BBS2: variants seen among roughly 807,000 people sequenced by gnomAD.
BBS2 encodes BBSome complex member BBS2.
In BBS2, 62 loss-of-function variants were observed where a neutral mutation model predicts 83.0. The ratio of observed to expected loss-of-function variants is 0.75; its 90% confidence interval spans 0.61 to 0.92. The LOEUF (loss-of-function observed/expected upper bound fraction) is 0.92. Ranked by LOEUF, BBS2 falls within the 40% of genes least tolerant of loss-of-function variation. The pLI, the probability that BBS2 is intolerant of heterozygous loss-of-function variation, is 0.00. For missense variants in BBS2, 784 were observed against 901.0 expected, an observed-to-expected ratio of 0.87 and a Z score of 1.66; for synonymous variants, 303 against 326.1, an observed-to-expected ratio of 0.93 and a Z score of 0.76.
intron 16 of BBS2, 135 bp from the exon 17 acceptor site, chr16:56,485,002 T>TA (rs1321761451): frequency 1.1e-4 from 77 of 715,624 alleles, no homozygotes; most frequent in East Asian, 1.7e-4. Context: ...TACCATTCCC[T>TA]AAAAAAAATA....
chr16:56,480,359 A>ACAAAAAAC (rs1963636644), downstream of BBS2, among the ~76,000 whole-genome samples: 1 of 142,804 alleles, frequency 7.0e-6, no homozygotes, highest in Non-Finnish European at 1.5e-5. Context: ...ACACAAAAAA[A>ACAAAAAAC]AAAAAACAAA....
Position 56,510,776 on chromosome 16 carries a change from C to T in BBS2, c.534+83G>A. 6.2e-6 allele frequency: 9 copies of T among 1,444,284 alleles called. No homozygotes were observed. In the South Asian group the frequency reaches 9.1e-5, roughly 15 times the overall value. 89.5% of individuals were successfully genotyped at this position (1,444,284 alleles called of 1,614,324 possible). ...ACCAAAATCAGCCAGGAGAAGCTTACACTTCTGTCAACACTAATGTCACTG... is the reference window on the plus strand; with the variant it reads ...ACCAAAATCAGCCAGGAGAAGCTTATACTTCTGTCAACACTAATGTCACTG... On this transcript the variant is annotated intron_variant, in intron 4 of 16. Transcript: ENST00000245157.
intron 17 of BBS2, among the ~76,000 whole-genome samples, chr16:56,474,161 A>G (rs1448597379): frequency 1.3e-5 from 2 of 152,120 alleles, no homozygotes; most frequent in African/African-American, 4.8e-5. Flanking sequence ...AATCAGGTCT[A>G]TCTTTGCCTT....
At chr16:56,518,962 T>C (rs1964832043) in intron 1 of BBS2, among the ~76,000 whole-genome samples, 1 of 152,198 alleles carries the variant, frequency 6.6e-6, no homozygotes, top group Non-Finnish European at 1.5e-5. Context: ...GAACTGAATG[T>C]ACATGGGCAA....
In BBS2 at chr16:56,509,979, A is replaced by T; in HGVS notation, c.590T>A (p.Val197Glu). The T allele has an allele frequency of 6.2e-7, 1 of 1,614,158 alleles. No homozygotes were observed. Reference sequence around the variant, plus strand: ...TACCTCTGTTTCTGTCATTTCTGCCACAATCTCATCTTCCTTAAAAACTCG... The same window carrying T: ...TACCTCTGTTTCTGTCATTTCTGCCTCAATCTCATCTTCCTTAAAAACTCG... ...DIRVFKEDEIVAEMTETEIVT... is the reference protein window; with the variant it reads ...DIRVFKEDEIEAEMTETEIVT... The change falls in exon 5 of 17, where the codon GTG becomes GAG. Residue 197 changes from valine to glutamate, a missense_variant. Coordinates refer to ENST00000245157, the MANE Select transcript of BBS2 (RefSeq NM_031885.5).
intron 17 of BBS2, among the ~76,000 whole-genome samples, chr16:56,471,918 G>C (rs74246248): frequency 0.039 from 5,957 of 152,242 alleles, 146 homozygotes; most frequent in East Asian, 0.13. Flanking sequence ...CATGGAGTCT[G>C]TCTCAAAGGG....
rs1191790453 is a variant in BBS2, at chr16:56,511,250, G to C, written c.380C>G (p.Thr127Arg). The change falls in exon 3 of 17, where the codon ACA (threonine) becomes AGA (arginine). Residue 127 changes from threonine to arginine, a missense_variant. Physicochemically the swap from Thr to Arg is moderately conservative, Grantham distance 71. Coordinates refer to ENST00000245157, the MANE Select transcript of BBS2 (RefSeq NM_031885.5). ...ADGANAIVLGTLGDISSPLAI... is the reference protein window; with the variant it reads ...ADGANAIVLGRLGDISSPLAI... ...AAGAGGGGAAGAAATGTCTCCCAAT[G>C]TCCCCAGCACAATTGCATTTGCCCC... 19 of 1,613,916 alleles carry C rather than the reference G, an allele frequency of 1.2e-5. No homozygotes were observed. The highest frequency in any genetic ancestry group is 2.7e-5 in the African/African-American group (2 of 74,896).
In BBS2 at chr16:56,492,529, G is replaced by C. The variant is rs532325911; in HGVS notation, c.1910+4438C>G. On this transcript the variant is annotated intron_variant, in intron 15 of 16. Transcript: ENST00000245157. Reference sequence around the variant, plus strand: ...AGAAATGGGAATTTGCTTACCAATAGTTTCAGTTAAGCAAGAAGAATCAGC... The same window carrying C: ...AGAAATGGGAATTTGCTTACCAATACTTTCAGTTAAGCAAGAAGAATCAGC... 7.0e-4 allele frequency among the ~76,000 whole-genome samples: 106 copies of C among 152,296 alleles called. 1 individual carries two copies. The highest frequency in any genetic ancestry group is 2.4e-3 in the African/African-American group (100 of 41,558).
chr16:56,491,730 A>AC (rs1339167278), intron 15 of BBS2, among the ~76,000 whole-genome samples: 1 of 150,728 alleles, frequency 6.6e-6, no homozygotes, highest in African/African-American at 2.4e-5. Context: ...AACAGCAAAA[A>AC]AAAAAAAAAA....
intron 17 of BBS2, among the ~76,000 whole-genome samples, chr16:56,475,333 G>C (rs1963408923): frequency 1.3e-5 from 2 of 152,178 alleles, no homozygotes; most frequent in South Asian, 4.1e-4. Context: ...GCATTTAGGG[G>C]AAGGCAATCC....
At position 56,498,835 on chromosome 16, in the gene BBS2, T is replaced by C. The variant is rs958168724; in HGVS notation, c.1528-267A>G. 8.2e-6 allele frequency: 6 copies of C among 734,708 alleles called. No individual in the cohort carries two copies. In the African/African-American group the frequency reaches 1.1e-4, roughly 13 times the overall value. The allele number at this position is 734,708 out of a possible 1,614,324, so 45.5% of individuals were successfully genotyped here. A position where few individuals can be genotyped will look rare whatever the true frequency, so the allele number is the denominator to read the frequency against. ...ATTATGCCTGGCCCCACAGCAGACATGATTTCATAGCATCTTCTACTTAGA... is the reference window on the plus strand; with the variant it reads ...ATTATGCCTGGCCCCACAGCAGACACGATTTCATAGCATCTTCTACTTAGA... On this transcript the variant is annotated intron_variant, in intron 12 of 16. Coordinates refer to ENST00000245157, the MANE Select transcript of BBS2 (RefSeq NM_031885.5).
chr16:56,485,476 G>A, intron 16 of BBS2, 114 bp downstream of exon 16: 1 of 1,399,908 alleles, frequency 7.1e-7, no homozygotes, highest in African/African-American at 1.4e-5. Context: ...TCTGGAGTGT[G>A]AAAGGTATGC....
intron 17 of BBS2, chr16:56,477,711 A>G (rs908205011): frequency 4.6e-5 from 7 of 152,162 alleles, no homozygotes; most frequent in Non-Finnish European, 1.0e-4. Flanking sequence ...CCATCCCAAT[A>G]GAGTCTTCTG....
intron 8 of BBS2, 72 bp from the exon 9 acceptor site, chr16:56,502,528 C>G: frequency 1.9e-6 from 3 of 1,612,532 alleles, no homozygotes; most frequent in Non-Finnish European, 2.5e-6. Flanking sequence ...CTCTTAAAAA[C>G]AAAAACCTAA....
intron 5 of BBS2, 120 bp downstream of exon 5, chr16:56,509,837 A>G (rs537111323): frequency 3.0e-5 from 29 of 971,124 alleles, no homozygotes; most frequent in East Asian, 2.4e-4. Flanking sequence ...CCCCTCCCCA[A>G]GCTTTTATCC....
chr16:56,478,815 G>A (rs1963586663), intron 17 of BBS2: 1 of 152,214 alleles, frequency 6.6e-6, no homozygotes, highest in Non-Finnish European at 1.5e-5. Flanking sequence ...TCTGAGGGGA[G>A]AGAATCCCTA....
downstream of BBS2, among the ~76,000 whole-genome samples, chr16:56,483,742 C>G (rs1336235914): frequency 6.6e-6 from 1 of 151,794 alleles, no homozygotes; most frequent in Non-Finnish European, 1.5e-5. Context: ...CTCTTGTCAC[C>G]CAGGCTGGAG....
chr16:56,510,355 ACAC>A (rs1295206351), intron 4 of BBS2, among the ~76,000 whole-genome samples: 1 of 152,222 alleles, frequency 6.6e-6, no homozygotes, highest in East Asian at 1.9e-4. Flanking sequence ...CCCTGTTCAA[ACAC>A]CAGAGTCCAG....
intron 13 of BBS2, 72 bp downstream of exon 13, chr16:56,498,365 C>A (rs1964170098): frequency 6.4e-7 from 1 of 1,571,284 alleles, no homozygotes; most frequent in Admixed American, 1.7e-5. Context: ...ATGCCCCTCT[C>A]ATTCCATGGT....
Sources: gnomAD v4.1 joint callset for allele counts (sites outside exome capture counted in the v4.1 genomes callset) on GRCh38, gnomAD v4.1.1 for gene constraint, MANE v1.5 for transcripts, NCBI Gene and HGNC (gene_info 2026-07-23, HGNC 2026-07-21) for gene names.